The following PMEPA1 variants were observed in gnomAD, a reference collection of about 807,000 sequenced individuals.
PMEPA1 encodes prostate transmembrane protein, androgen induced 1.
PMEPA1 carries 11 observed loss-of-function variants against 23.0 expected under a neutral mutation model. The ratio of observed to expected loss-of-function variants is 0.48; its 90% CI spans 0.30 to 0.79. The LOEUF is 0.79. Ranked by LOEUF, PMEPA1 falls within the 30% of genes least tolerant of loss-of-function variation. The pLI, the probability that PMEPA1 is intolerant of heterozygous loss-of-function variation, is 0.06. For missense variants in PMEPA1, 377 were observed against 390.9 expected (o/e 0.96, Z 0.30); for synonymous variants, 204 against 166.4 (o/e 1.23, Z -1.74).
chr20:57,685,849 G>A (rs2071794204), intron 1 of PMEPA1, among the ~76,000 whole-genome samples: 1 of 152,188 alleles, frequency 6.6e-6, no homozygotes, highest in African/African-American at 2.4e-5. Context: ...GGGAGAACTT[G>A]TTTCCACCTG....
intron 1 of PMEPA1, among the ~76,000 whole-genome samples, chr20:57,697,713 C>T (rs11696402): frequency 0.35 from 52,538 of 152,152 alleles, 11,296 homozygotes; most frequent in Non-Finnish European, 0.47. Context: ...ATTCCCCTTG[C>T]AGGCAGAGCC....
intron 1 of PMEPA1, among the ~76,000 whole-genome samples, chr20:57,666,909 C>T (rs761747318): frequency 5.3e-5 from 8 of 152,214 alleles, no homozygotes; most frequent in Non-Finnish European, 8.8e-5. Context: ...CAATCACAGG[C>T]GAGGGGACGG....
Position 57,704,407 on chromosome 20 carries a change from A to T in PMEPA1, c.109+5067T>A, listed in dbSNP as rs2072049731. ...TGAAGAGTAGGTCCGTCTCCCGCAC[A>T]GCTCCCGCACGTGCCCCAACCATGC... is the stretch of plus-strand genomic sequence containing the variant. On this transcript the variant is annotated intron_variant, in intron 1 of 3. Coordinates refer to ENST00000341744, the MANE Select transcript of PMEPA1 (RefSeq NM_020182.5). The surrounding 1 kb of genome is among the most constrained non-coding windows in gnomAD (Gnocchi z 4.6). 6.6e-6 allele frequency among the ~76,000 whole-genome samples: 1 copy of T among 152,192 alleles called. No individual in the cohort carries two copies. The highest frequency in any genetic ancestry group is 1.5e-5 in the Non-Finnish European group (1 of 68,018).
At chr20:57,701,934 T>A (rs1197727279) in intron 1 of PMEPA1, among the ~76,000 whole-genome samples, 1 of 152,080 alleles carries the variant, frequency 6.6e-6, no homozygotes, top group Non-Finnish European at 1.5e-5. Flanking sequence ...ATGGCACAGC[T>A]AATGACACAA....
At chr20:57,708,851 A>G (rs923122081) in intron 1 of PMEPA1, among the ~76,000 whole-genome samples, 1 of 152,026 alleles carries the variant, frequency 6.6e-6, no homozygotes, top group South Asian at 2.1e-4. Context: ...CGGACACGGG[A>G]AAGACACACA....
At chr20:57,700,323 T>C (rs910642704) in intron 1 of PMEPA1, 3 of 353,372 alleles carry the variant, frequency 8.5e-6, no homozygotes, top group South Asian at 4.3e-5. Context: ...AAAATGTTTA[T>C]TGATCTATTT....
intron 1 of PMEPA1, among the ~76,000 whole-genome samples, chr20:57,698,024 G>A (rs1362961432): frequency 6.6e-6 from 1 of 152,188 alleles, no homozygotes; most frequent in Non-Finnish European, 1.5e-5. Context: ...GGTAGGTCCA[G>A]CTGATACATT....
At chr20:57,653,848 C>G (rs1475771783) in intron 2 of PMEPA1, among the ~76,000 whole-genome samples, 3 of 152,188 alleles carry the variant, frequency 2.0e-5, no homozygotes, top group Non-Finnish European at 4.4e-5. Context: ...CTGTTGATTC[C>G]CTTTCCAGCA....
intron 1 of PMEPA1, chr20:57,700,244 G>C (rs2071993487): frequency 4.6e-6 from 2 of 438,060 alleles, no homozygotes; most frequent in African/African-American, 4.1e-5. Flanking sequence ...ACAGGCCCAT[G>C]CTTTACCGAA....
chr20:57,710,417 G>A, upstream of PMEPA1: 1 of 1,594,536 alleles, frequency 6.3e-7, no homozygotes, highest in Non-Finnish European at 8.5e-7. Context: ...GCTCAGGGAA[G>A]AGAAATTGGA....
rs2071184347 is a variant in PMEPA1, at chr20:57,648,929, G to A, written c.*3124C>T. The A allele has an allele frequency of 6.6e-6, 1 of 152,122 alleles. No homozygotes were observed. The highest frequency in any genetic ancestry group is 2.4e-5 in the African/African-American group (1 of 41,400). The allele number at this position is 152,122 out of a possible 1,614,324, so 9.4% of individuals were successfully genotyped here. On this transcript the variant is annotated 3_prime_UTR_variant, in exon 4 of 4. Coordinates refer to ENST00000341744, the MANE Select transcript of PMEPA1 (RefSeq NM_020182.5). ...CCCAGCCCTGATTTTTGCTACATAT[G>A]GGGTCCCTTTTCATTCTTTGCAAAA...
intron 2 of PMEPA1, 147 bp downstream of exon 2, chr20:57,659,396 G>T: frequency 1.3e-6 from 1 of 785,166 alleles, no homozygotes; most frequent in Non-Finnish European, 2.0e-6. Context: ...AGGGGAGGAA[G>T]CTGCTGTCAG....
chr20:57,663,928 C>T (rs1040065768), intron 1 of PMEPA1, among the ~76,000 whole-genome samples: 2 of 152,232 alleles, frequency 1.3e-5, no homozygotes, highest in African/African-American at 4.8e-5. Context: ...GCTGGTCAGG[C>T]ACAGCAGCAT....
intron 1 of PMEPA1, among the ~76,000 whole-genome samples, chr20:57,705,556 T>C (rs1294850254): frequency 6.6e-6 from 1 of 152,172 alleles, no homozygotes; most frequent in Non-Finnish European, 1.5e-5. Context: ...GAAAACTTCA[T>C]CTCAAGAGGA....
At chr20:57,710,364 C>A, upstream of PMEPA1, 1 of 1,328,754 alleles carries the variant, frequency 7.5e-7, no homozygotes, top group Non-Finnish European at 1.0e-6. Context: ...GACCCAGGCT[C>A]TTGGGGCTAG....
In PMEPA1 at chr20:57,656,327, T is replaced by A. The variant is rs1371011387; in HGVS notation, c.264+3216A>T. The stretch of plus-strand genomic sequence containing the variant: ...GCACATTGGCCTGGCCACAGTCTTG[T>A]CCCTGCCCCTGGGAAATGGGCCCTT... On this transcript the variant is annotated intron_variant, in intron 2 of 3. Transcript: ENST00000341744. This position sits in a 1 kb window ranked among gnomAD's most constrained non-coding sequence, Gnocchi z 4.7. Among the ~76,000 whole-genome samples the A allele has an allele frequency of 6.6e-6, 1 of 151,458 alleles. No homozygotes were observed. The highest frequency in any genetic ancestry group is 1.5e-5 in the Non-Finnish European group (1 of 67,788).
At chr20:57,654,992 G>A (rs541294599) in intron 2 of PMEPA1, among the ~76,000 whole-genome samples, 4 of 122,606 alleles carry the variant, frequency 3.3e-5, no homozygotes, top group South Asian at 2.7e-4. Flanking sequence ...TGGGCCCCCC[G>A]CTGCCTCCAG....
intron 1 of PMEPA1, among the ~76,000 whole-genome samples, chr20:57,671,252 C>T (rs867293943): frequency 2.0e-5 from 3 of 152,120 alleles, no homozygotes; most frequent in African/African-American, 4.8e-5. Context: ...TCACAGTGAG[C>T]GAGCAGTCAG....
intron 2 of PMEPA1, among the ~76,000 whole-genome samples, chr20:57,654,224 T>C (rs553746941): frequency 2.0e-5 from 3 of 152,220 alleles, no homozygotes; most frequent in Non-Finnish European, 4.4e-5. Flanking sequence ...GTTACTTTTA[T>C]AGCTTCATTG....
Sources: allele counts gnomAD v4.1 joint callset (sites outside exome capture counted in the v4.1 genomes callset), GRCh38; gene constraint gnomAD v4.1.1; non-coding constraint Gnocchi (gnomAD v3.1); transcripts MANE v1.5; gene names NCBI Gene and HGNC (gene_info 2026-07-23, HGNC 2026-07-21).